Variants in LINGO1 observed in about 807,000 individuals in gnomAD.
LINGO1 encodes the protein leucine-rich repeat and immunoglobulin-like domain-containing nogo receptor-interacting protein 1.
A neutral mutation model predicts 37.3 loss-of-function variants in LINGO1; 11 were observed. That is an observed-to-expected ratio of 0.29 (90% confidence interval 0.19 to 0.49). The LOEUF (loss-of-function observed/expected upper bound fraction) is 0.49. LINGO1 is among the 20% of genes least tolerant of loss of function. The pLI is 0.99. For missense variants in LINGO1, 585 were observed against 878.2 expected (o/e 0.67, Z 4.22); for synonymous variants, 387 against 403.0 (o/e 0.96, Z 0.48).
At chr15:77,653,303 G>C (rs1018795240) in intron 3 of LINGO1, among the ~76,000 whole-genome samples, 7 of 152,174 alleles carry the variant, frequency 4.6e-5, no homozygotes, top group African/African-American at 1.7e-4. Flanking sequence ...ACCAGGCCTT[G>C]GCTACTCATC....
intron 3 of LINGO1, chr15:77,648,806 C>T (rs575911370): frequency 1.3e-5 from 2 of 152,352 alleles, no homozygotes; most frequent in Non-Finnish European, 1.5e-5. Context: ...GCACCCTGCT[C>T]TCCAGGGCTG....
intron 3 of LINGO1, among the ~76,000 whole-genome samples, chr15:77,666,586 T>A (rs1239477156): frequency 6.6e-6 from 1 of 152,200 alleles, no homozygotes; most frequent in Non-Finnish European, 1.5e-5. Context: ...GATGGCTCAG[T>A]AGAAGAGCTT....
At chr15:77,686,181 C>T (rs1001645413) in intron 2 of LINGO1, among the ~76,000 whole-genome samples, 1 of 152,190 alleles carries the variant, frequency 6.6e-6, no homozygotes, top group Non-Finnish European at 1.5e-5. Context: ...TCGGAGGCCT[C>T]AGCCTGATGT....
At chr15:77,764,457 T>G (rs1162637547) in intron 1 of LINGO1, among the ~76,000 whole-genome samples, 1 of 152,116 alleles carries the variant, frequency 6.6e-6, no homozygotes, top group South Asian at 2.1e-4. Flanking sequence ...AAAAACTGTT[T>G]CCAGGCTATA....
At chr15:77,680,004 A>C (rs2075387834) in intron 2 of LINGO1, among the ~76,000 whole-genome samples, 1 of 152,248 alleles carries the variant, frequency 6.6e-6, no homozygotes, top group Non-Finnish European at 1.5e-5. Flanking sequence ...GCATTTCCTC[A>C]GCCTCTTTAG....
At chr15:77,735,468 G>A (rs1390926384) in intron 1 of LINGO1, among the ~76,000 whole-genome samples, 1 of 152,216 alleles carries the variant, frequency 6.6e-6, no homozygotes, top group African/African-American at 2.4e-5. Context: ...ATGGTCCCAA[G>A]GAGCACAGAG....
At chr15:77,666,018 C>T (rs992308539) in intron 3 of LINGO1, among the ~76,000 whole-genome samples, 1 of 152,254 alleles carries the variant, frequency 6.6e-6, no homozygotes, top group Non-Finnish European at 1.5e-5. Flanking sequence ...CATGGGCTCC[C>T]CCAGGGCACA....
At chr15:77,787,637 G>C (rs911061045), upstream of LINGO1, among the ~76,000 whole-genome samples, 7 of 152,066 alleles carry the variant, frequency 4.6e-5, no homozygotes, top group African/African-American at 1.4e-4. Context: ...CAACCGCTGA[G>C]CGGAAAAGCG....
chr15:77,668,567 C>T (rs907323351), intron 3 of LINGO1, among the ~76,000 whole-genome samples: 3 of 152,322 alleles, frequency 2.0e-5, no homozygotes, highest in Non-Finnish European at 4.4e-5. Context: ...TTAGAGACAA[C>T]CTGGACTGTC....
rs866743140 is a variant in LINGO1 at position 77,678,023 on chromosome 15, G to T, written c.-98-849C>A. On this transcript the variant is annotated intron_variant, in intron 2 of 3. Transcript: ENST00000559893. The stretch of plus-strand genomic sequence containing the variant: ...CAGCCACCTGCCACCTCCTCAGAAA[G>T]CTCTGTGACCACCTCCTTCTCACAG... Among the ~76,000 whole-genome samples, 9 of 152,264 alleles carry T rather than the reference G, an allele frequency of 5.9e-5. No individual in the cohort carries two copies. In the South Asian group the frequency reaches 1.0e-3, roughly 18 times the overall value.
intron 2 of LINGO1, among the ~76,000 whole-genome samples, chr15:77,689,262 C>T (rs1245802309): frequency 1.3e-5 from 2 of 152,116 alleles, no homozygotes; most frequent in Non-Finnish European, 2.9e-5. Flanking sequence ...AGCCCCCAGG[C>T]TGGCTGCCAG....
chr15:77,779,460 C>G (rs886270367), intron 1 of LINGO1, among the ~76,000 whole-genome samples: 2 of 151,988 alleles, frequency 1.3e-5, no homozygotes, highest in East Asian at 3.9e-4. Context: ...AATGTAGAAT[C>G]AATGGGAGCT....
intron 1 of LINGO1, among the ~76,000 whole-genome samples, chr15:77,758,856 C>T (rs1353120889): frequency 1.3e-5 from 2 of 150,944 alleles, no homozygotes; most frequent in Non-Finnish European, 3.0e-5. Flanking sequence ...GAGGAGGGGG[C>T]GGTCAGAAGC....
chr15:77,627,150 A>T (rs917159660), intron 1 of LINGO1, among the ~76,000 whole-genome samples: 7 of 152,166 alleles, frequency 4.6e-5, no homozygotes, highest in African/African-American at 1.7e-4. Flanking sequence ...AACATGTAAT[A>T]AGAGGTTGGA....
chr15:77,649,441 T>G (rs1381812386), intron 3 of LINGO1, among the ~76,000 whole-genome samples: 1 of 151,908 alleles, frequency 6.6e-6, no homozygotes, highest in African/African-American at 2.4e-5. Flanking sequence ...CCCACATGAG[T>G]CTGTAATATG....
At chr15:77,647,484 G>C (rs1367313090) in intron 3 of LINGO1, among the ~76,000 whole-genome samples, 1 of 152,134 alleles carries the variant, frequency 6.6e-6, no homozygotes, top group Non-Finnish European at 1.5e-5. Flanking sequence ...GACAGGCAGA[G>C]AGGGGGTCAA....
chr15:77,728,531 G>A (rs1399832775), intron 2 of LINGO1, among the ~76,000 whole-genome samples: 1 of 152,202 alleles, frequency 6.6e-6, no homozygotes, highest in Non-Finnish European at 1.5e-5. Context: ...GGGTCTGAGG[G>A]CAGCTCCAGC....
upstream of LINGO1, among the ~76,000 whole-genome samples, chr15:77,637,744 C>A (rs1008613159): frequency 1.3e-5 from 2 of 152,190 alleles, no homozygotes; most frequent in Non-Finnish European, 2.9e-5. This position sits in a 1 kb window ranked among gnomAD's most constrained non-coding sequence, Gnocchi z 4.6. Flanking sequence ...CTCGGAGACA[C>A]CTGGACCACA....
In LINGO1 at chr15:77,663,325, C is replaced by T. The variant is rs566112315; in HGVS notation, c.-13+13764G>A. ...TTCCAGGATCCCTGGGTGGCTTAAACGGTGGTCATTCCCCATGATTCAGTT... is the reference window on the plus strand; with the variant it reads ...TTCCAGGATCCCTGGGTGGCTTAAATGGTGGTCATTCCCCATGATTCAGTT... On this transcript the variant is annotated intron_variant, in intron 3 of 3. Transcript: ENST00000559893. Among the ~76,000 whole-genome samples the T allele has an allele frequency of 3.3e-5, 5 of 152,200 alleles. No individual in the cohort carries two copies. The East Asian group carries it at 5.8e-4, about 18-fold the overall frequency.
Sources: allele counts gnomAD v4.1 joint callset (sites outside exome capture counted in the v4.1 genomes callset), GRCh38; gene constraint gnomAD v4.1.1; non-coding constraint Gnocchi (gnomAD v3.1); transcripts MANE v1.5; gene names NCBI Gene and HGNC (gene_info 2026-07-23, HGNC 2026-07-21).